The following NUDT3 variants were observed in gnomAD, a reference collection of about 807,000 sequenced individuals.
NUDT3 encodes the protein nudix hydrolase 3.
NUDT3 carries 9 observed loss-of-function variants against 23.6 expected under a neutral mutation model. The observed-to-expected ratio is 0.38, with a 90% CI of 0.23 to 0.66. NUDT3 has a LOEUF of 0.66. Among genes scored for constraint, NUDT3 ranks in the 30% least tolerant of loss-of-function variants. The pLI, the probability that NUDT3 is intolerant of heterozygous loss-of-function variation, is 0.52. For synonymous variants in NUDT3, 86 were observed against 82.6 expected, an observed-to-expected ratio of 1.04 and a Z score of -0.22; for missense variants, 172 against 218.5, an observed-to-expected ratio of 0.79 and a Z score of 1.34.
intron 2 of NUDT3, among the ~76,000 whole-genome samples, chr6:34,304,267 A>G (rs1035751005): frequency 6.6e-6 from 1 of 151,752 alleles, no homozygotes; most frequent in African/African-American, 2.4e-5. Flanking sequence ...AAAAAAAAAA[A>G]AAAAGAAAGT....
chr6:34,327,867 C>T (rs1764065986), intron 2 of NUDT3, among the ~76,000 whole-genome samples: 1 of 152,168 alleles, frequency 6.6e-6, no homozygotes, highest in African/African-American at 2.4e-5. Flanking sequence ...AGCCCTCAAG[C>T]GGCCCTTATG....
chr6:34,348,926 C>A (rs193091543), intron 1 of NUDT3, among the ~76,000 whole-genome samples: 1 of 151,420 alleles, frequency 6.6e-6, no homozygotes, highest in Non-Finnish European at 1.5e-5. Context: ...GTGGTGCAAT[C>A]GTGGCTTACT....
At chr6:34,359,086 G>C (rs936161980) in intron 1 of NUDT3, among the ~76,000 whole-genome samples, 1 of 152,016 alleles carries the variant, frequency 6.6e-6, no homozygotes, top group African/African-American at 2.4e-5. Flanking sequence ...TTAAGATTGA[G>C]AATTCGGCCA....
intron 2 of NUDT3, among the ~76,000 whole-genome samples, chr6:34,325,484 T>C (rs1764011582): frequency 6.6e-6 from 1 of 152,244 alleles, no homozygotes; most frequent in Non-Finnish European, 1.5e-5. Flanking sequence ...GTGCTGGGAT[T>C]ATAGGCGTGA....
rs1025548213 is a variant in NUDT3 at position 34,383,651 on chromosome 6, T to C, written c.99+8613A>G. ...CTTTCTGTACTAGGCTATGAAGATATAGATTGCTTCAGACACAGCACACAG... is the reference window on the plus strand; with the variant it reads ...CTTTCTGTACTAGGCTATGAAGATACAGATTGCTTCAGACACAGCACACAG... On this transcript the variant is annotated intron_variant, in intron 1 of 4. Transcript: ENST00000607016. 5.3e-5 allele frequency among the ~76,000 whole-genome samples: 8 copies of C among 152,274 alleles called. No homozygotes were observed. In the East Asian group the frequency reaches 9.6e-4, roughly 18 times the overall value.
At chr6:34,334,992 G>C (rs1764186710) in intron 2 of NUDT3, among the ~76,000 whole-genome samples, 1 of 150,766 alleles carries the variant, frequency 6.6e-6, no homozygotes, top group Non-Finnish European at 1.5e-5. Context: ...AGAGAGAAGA[G>C]AGAGAGAGGA....
intron 4 of NUDT3, 111 bp from the exon 5 acceptor site, chr6:34,289,042 T>G: frequency 7.5e-7 from 1 of 1,337,380 alleles, no homozygotes; most frequent in East Asian, 2.7e-5. Flanking sequence ...ACACTTTTTT[T>G]CCTTACAAAA....
intron 1 of NUDT3, among the ~76,000 whole-genome samples, chr6:34,387,930 G>A (rs551855562): frequency 1.3e-5 from 2 of 152,154 alleles, no homozygotes; most frequent in Non-Finnish European, 2.9e-5. Context: ...CTAGGCCTTC[G>A]CATTTACTCA....
intron 2 of NUDT3, among the ~76,000 whole-genome samples, chr6:34,301,950 A>C (rs1313566395): frequency 6.6e-6 from 1 of 152,206 alleles, no homozygotes; most frequent in African/African-American, 2.4e-5. Context: ...GTGAACATTC[A>C]GATTTCCTCT....
intron 2 of NUDT3, among the ~76,000 whole-genome samples, chr6:34,310,390 C>T (rs918254908): frequency 6.6e-6 from 1 of 151,004 alleles, no homozygotes; most frequent in Non-Finnish European, 1.5e-5. Context: ...ATTAGCCGGG[C>T]GCGGTGGTAC....
chr6:34,356,600 A>G (rs1764564687), intron 1 of NUDT3, among the ~76,000 whole-genome samples: 1 of 152,176 alleles, frequency 6.6e-6, no homozygotes, highest in African/African-American at 2.4e-5. Flanking sequence ...ATTTAAATCC[A>G]TGAGTTTATA....
In NUDT3 at chr6:34,362,537, A is replaced by G. The variant is rs139339393; in HGVS notation, c.100-20565T>C. Among the ~76,000 whole-genome samples, 187 of 152,182 alleles carry G rather than the reference A, an allele frequency of 1.2e-3. 1 individual carries two copies. The East Asian group carries it at 0.013, about 11-fold the overall frequency. ...ACCTCAACAGATCACTAAAGGTTCAATATAAACTCAAAAAATTATTAGTAA... is the reference window on the plus strand; with the variant it reads ...ACCTCAACAGATCACTAAAGGTTCAGTATAAACTCAAAAAATTATTAGTAA... On this transcript the variant is annotated intron_variant, in intron 1 of 4. Transcript: ENST00000607016.
At position 34,297,755 on chromosome 6, in the gene NUDT3, ATATAATT is replaced by A. The variant is rs1449854587; in HGVS notation, c.211-2077_211-2071del. ...AATATATATATATATATATATATAT[ATATAATT>A]TTTTTTTTTTTTTTAGTAGAGACGG... On this transcript the variant is annotated intron_variant, in intron 2 of 4. Transcript: ENST00000607016. Among the ~76,000 whole-genome samples the A allele has an allele frequency of 1.3e-3, 117 of 90,348 alleles. 1 individual carries two copies. The highest frequency in any genetic ancestry group is 5.7e-3 in the Middle Eastern group (1 of 176). 59.3% of individuals were successfully genotyped at this position (90,348 alleles called of 152,430 possible).
chr6:34,388,436 G>A (rs1249239795), intron 1 of NUDT3, among the ~76,000 whole-genome samples: 1 of 151,970 alleles, frequency 6.6e-6, no homozygotes. Context: ...GGCCATTAGT[G>A]CCCATTAAAA....
chr6:34,375,755 TAATC>T (rs1764912383), intron 1 of NUDT3, among the ~76,000 whole-genome samples: 1 of 152,214 alleles, frequency 6.6e-6, no homozygotes, highest in African/African-American at 2.4e-5. Context: ...AAGCCTGATT[TAATC>T]AACCCAAATC....
chr6:34,337,629 C>G (rs1451539444), intron 2 of NUDT3, among the ~76,000 whole-genome samples: 1 of 152,180 alleles, frequency 6.6e-6, no homozygotes, highest in Non-Finnish European at 1.5e-5. Context: ...TATATCTTAG[C>G]TGCACTTGTA....
At chr6:34,391,676 C>T (rs1055121934) in intron 1 of NUDT3, among the ~76,000 whole-genome samples, 1 of 152,216 alleles carries the variant, frequency 6.6e-6, no homozygotes, top group African/African-American at 2.4e-5. Flanking sequence ...ACCATAAAGG[C>T]TACCCAGCGC....
chr6:34,352,257 C>T (rs1267779078), intron 1 of NUDT3, among the ~76,000 whole-genome samples: 3 of 152,068 alleles, frequency 2.0e-5, no homozygotes, highest in Non-Finnish European at 2.9e-5. Flanking sequence ...CTCAACTTCC[C>T]GGGCTCAAGC....
chr6:34,296,189 A>G (rs1763496602), intron 2 of NUDT3, among the ~76,000 whole-genome samples: 1 of 152,196 alleles, frequency 6.6e-6, no homozygotes. Context: ...GGATCACCTG[A>G]GCCCAGGAGT....
Sources: allele counts gnomAD v4.1 joint callset (sites outside exome capture counted in the v4.1 genomes callset), GRCh38; gene constraint gnomAD v4.1.1; transcripts MANE v1.5; gene names NCBI Gene and HGNC (gene_info 2026-07-23, HGNC 2026-07-21).